EYA4: variants seen among roughly 807,000 people sequenced by gnomAD.
EYA4 encodes the protein EYA transcriptional coactivator and phosphatase 4, also known as protein phosphatase EYA4.
A neutral mutation model predicts 87.9 loss-of-function variants in EYA4; 31 were observed. The ratio of observed to expected loss-of-function variants is 0.35; its 90% CI spans 0.27 to 0.48. The LOEUF (loss-of-function observed/expected upper bound fraction) is 0.48, where lower values mean the gene tolerates loss of function less well. Ranked by LOEUF, EYA4 falls within the 20% of genes least tolerant of loss-of-function variation. The pLI is 0.99. For synonymous variants in EYA4, 263 were observed against 270.6 expected, an observed-to-expected ratio of 0.97 and a Z score of 0.28; for missense variants, 678 against 761.4, an observed-to-expected ratio of 0.89 and a Z score of 1.29.
At chr6:133,310,976 T>A (rs1025800505) in intron 2 of EYA4, among the ~76,000 whole-genome samples, 1 of 152,230 alleles carries the variant, frequency 6.6e-6, no homozygotes, top group African/African-American at 2.4e-5. Context: ...GTAACTCTCA[T>A]AAGAGCTCAG....
At chr6:133,319,488 TCTTTG>T (rs1171991259) in intron 2 of EYA4, among the ~76,000 whole-genome samples, 2 of 150,906 alleles carry the variant, frequency 1.3e-5, no homozygotes, top group Non-Finnish European at 3.0e-5. Context: ...GGTGGACTTC[TCTTTG>T]CTTATTGGAT....
intron 2 of EYA4, among the ~76,000 whole-genome samples, chr6:133,295,140 A>G (rs991805969): frequency 3.9e-5 from 6 of 152,224 alleles, no homozygotes; most frequent in African/African-American, 1.4e-4. Flanking sequence ...ATTCATGACC[A>G]GTATAAGTTA....
chr6:133,480,474 G>A (rs536453709), intron 11 of EYA4, among the ~76,000 whole-genome samples: 14 of 152,276 alleles, frequency 9.2e-5, no homozygotes, highest in East Asian at 1.9e-4. Context: ...CTGGCCACAC[G>A]TGACTCTTGA....
chr6:133,401,651 G>C (rs11969822), intron 3 of EYA4, among the ~76,000 whole-genome samples: 4,521 of 152,046 alleles, frequency 0.03, 178 homozygotes, highest in East Asian at 0.087. Context: ...TAGCTTCATC[G>C]TTTAACCCCG....
At chr6:133,288,112 C>T (rs540289320) in intron 2 of EYA4, among the ~76,000 whole-genome samples, 12 of 151,778 alleles carry the variant, frequency 7.9e-5, no homozygotes, top group East Asian at 5.8e-4. Context: ...CCAGCCTGGG[C>T]GACAGAGTGA....
intron 19 of EYA4, among the ~76,000 whole-genome samples, chr6:133,525,653 C>T (rs1800578877): frequency 6.6e-6 from 1 of 151,934 alleles, no homozygotes; most frequent in African/African-American, 2.4e-5. Flanking sequence ...GGAGAATAAC[C>T]ATTGTTAAGC....
At chr6:133,409,491 A>G (rs1383746789) in intron 3 of EYA4, among the ~76,000 whole-genome samples, 1 of 152,184 alleles carries the variant, frequency 6.6e-6, no homozygotes, top group Non-Finnish European at 1.5e-5. Flanking sequence ...CTTTCTATAG[A>G]TAGATAGAAA....
At chr6:133,265,604 T>C (rs1177890396) in intron 1 of EYA4, among the ~76,000 whole-genome samples, 3 of 152,216 alleles carry the variant, frequency 2.0e-5, no homozygotes, top group Admixed American at 2.0e-4. Flanking sequence ...TAGGTAGTTT[T>C]ACTTGGTTCA....
At chr6:133,430,842 TTAAA>T (rs1470872560) in intron 3 of EYA4, among the ~76,000 whole-genome samples, 5 of 152,192 alleles carry the variant, frequency 3.3e-5, no homozygotes, top group Non-Finnish European at 7.3e-5. Flanking sequence ...GGAGAGCCAA[TTAAA>T]TAAATTAATA....
chr6:133,277,846 G>T (rs1466607633), intron 2 of EYA4, among the ~76,000 whole-genome samples: 3 of 152,148 alleles, frequency 2.0e-5, no homozygotes, highest in African/African-American at 7.2e-5. Flanking sequence ...GCATCTCAAA[G>T]CTTTGTCCAC....
At chr6:133,520,697 A>G (rs1193968381) in intron 17 of EYA4, among the ~76,000 whole-genome samples, 1 of 150,688 alleles carries the variant, frequency 6.6e-6, no homozygotes, top group African/African-American at 2.4e-5. Flanking sequence ...AAGCCAAAAG[A>G]ACAAAGCTGG....
chr6:133,378,779 T>A (rs189847048), intron 2 of EYA4, among the ~76,000 whole-genome samples: 1 of 152,250 alleles, frequency 6.6e-6, no homozygotes, highest in Admixed American at 6.5e-5. Flanking sequence ...TTGCTTTTCT[T>A]AAAATAGTTA....
At chr6:133,357,009 C>T (rs76525057) in intron 2 of EYA4, among the ~76,000 whole-genome samples, 13,459 of 151,850 alleles carry the variant, frequency 0.089, 760 homozygotes, top group East Asian at 0.16. Context: ...CGGTGGCTCA[C>T]GCCTGTAATC....
intron 2 of EYA4, among the ~76,000 whole-genome samples, chr6:133,294,062 T>TATAA (rs71003632): frequency 1.5e-4 from 16 of 105,160 alleles, no homozygotes; most frequent in African/African-American, 4.8e-4. Flanking sequence ...TATATATATA[T>TATAA]AATTCTATTC....
chr6:133,369,833 C>G (rs1047754123), intron 2 of EYA4, among the ~76,000 whole-genome samples: 1 of 152,198 alleles, frequency 6.6e-6, no homozygotes, highest in East Asian at 1.9e-4. Context: ...ATCACCATGA[C>G]AGCAGGTTGC....
chr6:133,289,940 T>G (rs1210471537), intron 2 of EYA4, among the ~76,000 whole-genome samples: 1 of 152,184 alleles, frequency 6.6e-6, no homozygotes, highest in Non-Finnish European at 1.5e-5. Context: ...GAGTTAAAAA[T>G]GAAAGGGCAA....
chr6:133,458,420 A>G (rs1378166728), intron 6 of EYA4, among the ~76,000 whole-genome samples: 1 of 152,156 alleles, frequency 6.6e-6, no homozygotes, highest in Non-Finnish European at 1.5e-5. Flanking sequence ...TAACAGCTGC[A>G]TGTGGTTAGC....
chr6:133,527,761 C>A (rs1246650168), intron 19 of EYA4, among the ~76,000 whole-genome samples: 1 of 152,068 alleles, frequency 6.6e-6, no homozygotes, highest in African/African-American at 2.4e-5. Flanking sequence ...AATAAAATAT[C>A]TTTTGCATGT....
intron 1 of EYA4, among the ~76,000 whole-genome samples, chr6:133,260,362 C>A (rs549850693): frequency 9.2e-4 from 140 of 152,186 alleles, no homozygotes; most frequent in Non-Finnish European, 1.8e-3. Flanking sequence ...CTCAGCCTCC[C>A]GAATAGCTGG....
Sources: gnomAD v4.1 joint callset for allele counts (sites outside exome capture counted in the v4.1 genomes callset) on GRCh38, gnomAD v4.1.1 for gene constraint, MANE v1.5 for transcripts, NCBI Gene and HGNC (gene_info 2026-07-23, HGNC 2026-07-21) for gene names.